Variants in COG3 observed in about 807,000 individuals in gnomAD.
The protein encoded by COG3 is component of oligomeric golgi complex 3, also known as conserved oligomeric Golgi complex subunit 3.
In COG3, 32 loss-of-function variants were observed where a neutral mutation model predicts 114.1. That is an observed-to-expected ratio of 0.28 (90% CI 0.21 to 0.38). The LOEUF (loss-of-function observed/expected upper bound fraction) is 0.38. COG3 is among the 10% of genes least tolerant of loss of function. The pLI is 1.00. For synonymous variants in COG3, 352 were observed against 365.7 expected, an observed-to-expected ratio of 0.96 and a Z score of 0.43; for missense variants, 813 against 973.2, an observed-to-expected ratio of 0.84 and a Z score of 2.19.
rs58018903 is a variant in COG3, at chr13:45,469,245, CAT to C, written c.174+4038_174+4039del. Among the ~76,000 whole-genome samples, 515 of 152,268 alleles carry C rather than the reference CAT, an allele frequency of 3.4e-3. 9 individuals are homozygous for C. Among genetic ancestry groups the C allele is most frequent in the East Asian group, 0.033 (172 of 5,192 alleles). ...ATTTACTCACATCTAGGTTACAGAACATATCTGGAATATCTATAGTAGTTTCT... is the reference window on the plus strand; with the variant it reads ...ATTTACTCACATCTAGGTTACAGAACATCTGGAATATCTATAGTAGTTTCT... On this transcript the variant is annotated intron_variant, in intron 1 of 22. Transcript: ENST00000349995.
Position 45,534,892 on chromosome 13 carries a change from G to A in COG3, c.*161G>A. 7.9e-7 allele frequency: 1 copy of A among 1,269,048 alleles called. No homozygotes were observed. Among genetic ancestry groups the A allele is most frequent in the East Asian group, 3.1e-5 (1 of 31,990 alleles). 78.6% of individuals were successfully genotyped at this position (1,269,048 alleles called of 1,614,324 possible). On this transcript the variant is annotated 3_prime_UTR_variant, in exon 23 of 23. Transcript: ENST00000349995. ...CTGCAGAATGAAATAGAAGCAAAGT[G>A]TTACAGGATCAGTGTTTTCTTTTCT...
Position 45,509,389 on chromosome 13 carries a change from T to C in COG3, c.1595-303T>C, listed in dbSNP as rs548834333. 4.6e-5 allele frequency among the ~76,000 whole-genome samples: 7 copies of C among 152,350 alleles called. No individual in the cohort carries two copies. The South Asian group carries it at 1.5e-3, about 32-fold the overall frequency. On this transcript the variant is annotated intron_variant, in intron 14 of 22. Coordinates refer to ENST00000349995, the MANE Select transcript of COG3 (RefSeq NM_031431.4). ...TTCTATAATGTGATTATGCTTTTCC[T>C]ATGTTCCATAAAGATTATTGATCAC...
At chr13:45,478,256 ATCTCGGCTC>A (rs1323091577) in intron 2 of COG3, among the ~76,000 whole-genome samples, 1 of 147,802 alleles carries the variant, frequency 6.8e-6, no homozygotes, top group Non-Finnish European at 1.5e-5. Flanking sequence ...CAGTGGCGTG[ATCTCGGCTC>A]ACTGCAAGCT....
intron 19 of COG3, 97 bp from the exon 20 acceptor site, chr13:45,524,879 G>T: frequency 4.0e-6 from 3 of 756,880 alleles, no homozygotes; most frequent in South Asian, 3.6e-5. Flanking sequence ...AAATGGTGTT[G>T]TGTATCCCTT....
intron 14 of COG3, among the ~76,000 whole-genome samples, chr13:45,508,068 TAAAAAAAAAAAAAAAAA>T (rs10571583): frequency 1.9e-4 from 6 of 32,258 alleles, no homozygotes; most frequent in South Asian, 2.7e-3. Flanking sequence ...AGGTCCAACC[TAAAAAAAAAAAAAAAAA>T]AAAAAAAAAA....
Position 45,535,337 on chromosome 13 carries a change from G to A in COG3, c.*606G>A. On this transcript the variant is annotated 3_prime_UTR_variant, in exon 23 of 23. Transcript: ENST00000349995. ...ATGTGAGGTAGTTTAAAGATACAAG[G>A]ACTTTGTGTGAAGCTCCAGCATCTG... The A allele has an allele frequency of 2.0e-6, 2 of 985,418 alleles. No homozygotes were observed. The highest frequency in any genetic ancestry group is 2.4e-6 in the Non-Finnish European group (2 of 829,946). The allele number at this position is 985,418 out of a possible 1,614,324, so 61.0% of individuals were successfully genotyped here. A position where few individuals can be genotyped will look rare whatever the true frequency, so the allele number is the denominator to read the frequency against.
At chr13:45,512,438 C>T (rs1870963979) in intron 16 of COG3, among the ~76,000 whole-genome samples, 1 of 151,870 alleles carries the variant, frequency 6.6e-6, no homozygotes, top group African/African-American at 2.4e-5. Context: ...CTCAATCCAT[C>T]CTCCTACCTC....
Position 45,509,807 on chromosome 13 carries a change from A to G in COG3, c.1710A>G (p.Arg570=), listed in dbSNP as rs373168172. The G allele has an allele frequency of 6.2e-7, 1 of 1,611,306 alleles. No homozygotes were observed. The highest frequency in any genetic ancestry group is 1.3e-5 in the African/African-American group (1 of 74,902). ...TTGTCTGTCTCTCCAAATTATACAG[A>G]TGCATAGATGTACGTGTATCTTTAC... The part of the protein sequence containing the change: ...RTLVCLSKLY[R]CIDRAVFQGL... Residue 570 remains arginine, a synonymous_variant, in exon 15 of 23, where the codon AGA becomes AGG. Transcript: ENST00000349995.
chr13:45,491,078 A>G (rs1886991096), intron 9 of COG3, 120 bp downstream of exon 9: 2 of 686,724 alleles, frequency 2.9e-6, no homozygotes, highest in South Asian at 2.1e-5. Context: ...CTTGTAACAT[A>G]CCACTTATTT....
intron 16 of COG3, among the ~76,000 whole-genome samples, chr13:45,513,858 TAC>T (rs1227418501): frequency 6.6e-5 from 10 of 152,008 alleles, no homozygotes; most frequent in African/African-American, 2.2e-4. Flanking sequence ...ATAACAATAT[TAC>T]ACAGTCATTA....
At chr13:45,473,855 G>A (rs1317141924) in intron 1 of COG3, among the ~76,000 whole-genome samples, 2 of 152,170 alleles carry the variant, frequency 1.3e-5, no homozygotes, top group Non-Finnish European at 2.9e-5. Flanking sequence ...GGCAGCATAC[G>A]GTTGCTGATG....
At chr13:45,477,691 A>G (rs1187800958) in intron 2 of COG3, among the ~76,000 whole-genome samples, 1 of 151,490 alleles carries the variant, frequency 6.6e-6, no homozygotes, top group Non-Finnish European at 1.5e-5. Flanking sequence ...GCAGTGGGCA[A>G]TCTTGGCTCA....
chr13:45,520,065 G>T (rs1871954619), intron 19 of COG3, among the ~76,000 whole-genome samples: 2 of 152,226 alleles, frequency 1.3e-5, no homozygotes, highest in Admixed American at 6.5e-5. Context: ...GATCGCTCGA[G>T]CCCCCAGAGT....
rs549428308 is a variant in COG3 at position 45,516,267 on chromosome 13, C to T, written c.1930+4C>T. 3.9e-5 allele frequency: 61 copies of T among 1,580,804 alleles called. No individual in the cohort carries two copies. The East Asian group carries it at 1.3e-3, about 35-fold the overall frequency. On this transcript the variant is annotated splice_donor_region_variant and intron_variant, in intron 17 of 22. Coordinates refer to ENST00000349995, the MANE Select transcript of COG3 (RefSeq NM_031431.4). ...CTGGACCTCAAGAAAACTAGAGGTA[C>T]TTTGCTGTCCTGGCTGGCACACTTG...
At chr13:45,502,335 C>T (rs978037254) in intron 13 of COG3, among the ~76,000 whole-genome samples, 1 of 152,188 alleles carries the variant, frequency 6.6e-6, no homozygotes, top group African/African-American at 2.4e-5. Flanking sequence ...TATATGCTCC[C>T]TTCCCAGTGT....
In COG3 at chr13:45,534,217, T is replaced by C. The variant is rs183046779; in HGVS notation, c.2458-485T>C. On this transcript the variant is annotated intron_variant, in intron 22 of 22. Coordinates refer to ENST00000349995, the MANE Select transcript of COG3 (RefSeq NM_031431.4). ...GCTTACAACTCTTCCAACAACACAC[T>C]GCATAGAACAAGGCACAGTGGATTA... Among the ~76,000 whole-genome samples the C allele has an allele frequency of 2.0e-3, 309 of 152,378 alleles. 1 individual carries two copies. Among genetic ancestry groups the C allele is most frequent in the Non-Finnish European group, 2.7e-3 (181 of 68,032 alleles).
chr13:45,505,905 C>G (rs1870091573), intron 14 of COG3, among the ~76,000 whole-genome samples: 1 of 151,904 alleles, frequency 6.6e-6, no homozygotes, highest in South Asian at 2.1e-4. Context: ...TCTTTTTACT[C>G]TTTTTTTGGA....
intron 14 of COG3, among the ~76,000 whole-genome samples, chr13:45,504,087 A>T (rs111900037): frequency 6.6e-6 from 1 of 152,148 alleles, no homozygotes; most frequent in Non-Finnish European, 1.5e-5. Context: ...CCACCCAGCT[A>T]TAAGAGTGGC....
intron 7 of COG3, among the ~76,000 whole-genome samples, chr13:45,485,204 G>A (rs1471372974): frequency 7.0e-6 from 1 of 142,382 alleles, no homozygotes. Flanking sequence ...TCACCTCCCG[G>A]ACGGGGCGGC....
Sources: gnomAD v4.1 joint callset for allele counts (sites outside exome capture counted in the v4.1 genomes callset) on GRCh38, gnomAD v4.1.1 for gene constraint, MANE v1.5 for transcripts, NCBI Gene and HGNC (gene_info 2026-07-23, HGNC 2026-07-21) for gene names.